Variants in FMO1 observed in about 807,000 individuals in gnomAD.
FMO1 encodes the protein flavin-containing monooxygenase 1.
Under a neutral mutation model 45.4 loss-of-function variants are expected in FMO1, and 36 were observed. That is an observed-to-expected ratio of 0.79 (90% CI 0.61 to 1.05). FMO1 has a LOEUF of 1.05. FMO1 is among the 50% of genes least tolerant of loss of function. FMO1 has a pLI of 0.00. For synonymous variants in FMO1, 228 were observed against 227.2 expected, an observed-to-expected ratio of 1.00 and a Z score of -0.03; for missense variants, 615 against 640.3, an observed-to-expected ratio of 0.96 and a Z score of 0.43.
rs573414599 is a variant in FMO1 at position 171,258,189 on chromosome 1, C to G, written c.102C>G (p.Ser34Arg). Residue 34 changes from serine (S) to arginine (R), a missense_variant, in exon 2 of 9, where the codon AGC becomes AGG. By Grantham distance (110) the Ser-to-Arg change is moderately radical. Transcript: ENST00000617670. Reference protein sequence around the residue: ...EGLEPTCFERSDDLGGLWRFT... With the variant: ...EGLEPTCFERRDDLGGLWRFT... ...TGGAGCCCACCTGCTTTGAGAGGAG[C>G]GATGACCTTGGGGGGCTGTGGAGAT... 4 of 1,614,104 alleles carry G rather than the reference C, an allele frequency of 2.5e-6. No homozygotes were observed. The highest frequency in any genetic ancestry group is 3.4e-6 in the Non-Finnish European group (4 of 1,180,008).
At chr1:171,255,227 A>G (rs1270039607) in intron 1 of FMO1, among the ~76,000 whole-genome samples, 1 of 152,202 alleles carries the variant, frequency 6.6e-6, no homozygotes, top group Non-Finnish European at 1.5e-5. Context: ...GAAATGCTGG[A>G]AGGTGCTATA....
intron 3 of FMO1, among the ~76,000 whole-genome samples, chr1:171,272,226 C>T (rs1283933680): frequency 6.6e-6 from 1 of 152,212 alleles, no homozygotes; most frequent in Non-Finnish European, 1.5e-5. Context: ...ATTGAGCCTG[C>T]AATACACAGA....
intron 1 of FMO1, chr1:171,251,824 CTG>C (rs1237187958): frequency 6.6e-6 from 1 of 151,534 alleles, no homozygotes; most frequent in Admixed American, 6.6e-5. Context: ...AGCAGAATAT[CTG>C]TGTGTCAGTG....
At chr1:171,278,635 A>C (rs1209378943) in intron 4 of FMO1, 94 bp from the exon 5 acceptor site, 2 of 968,942 alleles carry the variant, frequency 2.1e-6, no homozygotes, top group Non-Finnish European at 3.0e-6. Context: ...GACCAAAATC[A>C]TCTGTCAAAA....
At chr1:171,283,898 A>G (rs10912714) in intron 8 of FMO1, among the ~76,000 whole-genome samples, 38,794 of 152,068 alleles carry the variant, frequency 0.26, 8,118 homozygotes, top group African/African-American at 0.58. Context: ...CAAAGCCTGA[A>G]CATTTACTGT....
intron 3 of FMO1, chr1:171,271,557 C>A: frequency 1.2e-6 from 1 of 819,550 alleles, no homozygotes; most frequent in East Asian, 2.4e-5. Flanking sequence ...TGACATTTTG[C>A]CTCTTGGCTT....
intron 2 of FMO1, among the ~76,000 whole-genome samples, chr1:171,261,713 G>A (rs1045646288): frequency 6.6e-6 from 1 of 151,804 alleles, no homozygotes; most frequent in South Asian, 2.1e-4. Context: ...ACAAGACCCC[G>A]TTCCGTTCTC....
chr1:171,253,466 A>C (rs1365099949), intron 1 of FMO1, among the ~76,000 whole-genome samples: 1 of 152,134 alleles, frequency 6.6e-6, no homozygotes, highest in African/African-American at 2.4e-5. Flanking sequence ...CCAGACATTC[A>C]AAACTAACCT....
chr1:171,252,932 T>C (rs1659962439), intron 1 of FMO1, among the ~76,000 whole-genome samples: 1 of 152,206 alleles, frequency 6.6e-6, no homozygotes, highest in African/African-American at 2.4e-5. Context: ...TTCATATAAT[T>C]GTCAATACTT....
Position 171,282,206 on chromosome 1 carries a change from G to A in FMO1, c.1056G>A (p.Leu352=). The part of the protein sequence containing the change: ...VVKVEDGQAS[L]YKYIFPAHLQ... ...AAGTTGAAGATGGCCAGGCCTCACTGTACAAGTATATCTTCCCTGCACATC... is the reference window on the plus strand; with the variant it reads ...AAGTTGAAGATGGCCAGGCCTCACTATACAAGTATATCTTCCCTGCACATC... The change falls in exon 7 of 9, where the codon CTG becomes CTA. Residue 352 remains leucine (L), a synonymous_variant. Transcript: ENST00000617670. The A allele has an allele frequency of 6.2e-7, 1 of 1,614,012 alleles. No individual in the cohort carries two copies. The highest frequency in any genetic ancestry group is 8.5e-7 in the Non-Finnish European group (1 of 1,179,908).
chr1:171,251,925 C>G (rs1039384596), intron 1 of FMO1: 3 of 151,942 alleles, frequency 2.0e-5, no homozygotes, highest in Admixed American at 2.0e-4. Flanking sequence ...GCCGCATATG[C>G]ACATAAGGAG....
intron 2 of FMO1, among the ~76,000 whole-genome samples, chr1:171,267,107 C>T (rs1660648759): frequency 6.6e-6 from 1 of 152,242 alleles, no homozygotes; most frequent in African/African-American, 2.4e-5. Context: ...CTCATGCCCT[C>T]ATTAGCAATC....
intron 4 of FMO1, among the ~76,000 whole-genome samples, 184 bp from the exon 5 acceptor site, chr1:171,278,545 C>A (rs926068099): frequency 9.9e-5 from 15 of 151,868 alleles, no homozygotes; most frequent in African/African-American, 3.4e-4. Flanking sequence ...GAGTAATAAC[C>A]CCCCTTAAAT....
intron 1 of FMO1, 146 bp from the exon 2 acceptor site, chr1:171,257,936 C>A: frequency 1.2e-6 from 1 of 846,866 alleles, no homozygotes; most frequent in Non-Finnish European, 1.8e-6. Flanking sequence ...TTTTCCTTCT[C>A]ACATTCACAC....
chr1:171,260,751 C>T (rs561818372), intron 2 of FMO1, among the ~76,000 whole-genome samples: 34 of 151,370 alleles, frequency 2.2e-4, no homozygotes, highest in African/African-American at 8.0e-4. Context: ...GTCAACATGG[C>T]GAAATCCCAT....
intron 2 of FMO1, among the ~76,000 whole-genome samples, chr1:171,265,364 C>T (rs1373863796): frequency 1.3e-5 from 2 of 150,118 alleles, no homozygotes; most frequent in Non-Finnish European, 2.9e-5. Context: ...GCACGCTAGC[C>T]TGGGCGACAG....
At chr1:171,264,440 T>C (rs1660521193) in intron 2 of FMO1, among the ~76,000 whole-genome samples, 2 of 151,418 alleles carry the variant, frequency 1.3e-5, no homozygotes, top group Admixed American at 6.6e-5. Context: ...ACTCTTAAAA[T>C]TAATTTCACT....
intron 3 of FMO1, among the ~76,000 whole-genome samples, chr1:171,268,049 C>T (rs576999634): frequency 9.8e-5 from 15 of 152,306 alleles, no homozygotes; most frequent in Admixed American, 2.6e-4. Context: ...ACACTGAGAA[C>T]CACCAACCCC....
chr1:171,255,722 C>G (rs1243466446), intron 1 of FMO1, among the ~76,000 whole-genome samples: 7 of 152,038 alleles, frequency 4.6e-5, no homozygotes, highest in Non-Finnish European at 8.8e-5. Context: ...ATTGCCTCAC[C>G]CTCTTTCTCA....
Sources: allele counts gnomAD v4.1 joint callset (sites outside exome capture counted in the v4.1 genomes callset), GRCh38; gene constraint gnomAD v4.1.1; transcripts MANE v1.5; gene names NCBI Gene and HGNC (gene_info 2026-07-23, HGNC 2026-07-21).